The following SLC17A5 variants were observed in gnomAD, a reference collection of about 807,000 sequenced individuals.
SLC17A5 encodes the protein solute carrier family 17 member 5, also known as sialin.
Under a neutral mutation model 59.4 loss-of-function variants are expected in SLC17A5, and 47 were observed. The observed-to-expected ratio is 0.79, with a 90% CI of 0.63 to 1.01. The LOEUF is 1.01. Among genes scored for constraint, SLC17A5 ranks in the 50% least tolerant of loss-of-function variants. The pLI is 0.00. For missense variants in SLC17A5, 522 were observed against 595.5 expected (o/e 0.88, Z 1.28); for synonymous variants, 202 against 210.7 (o/e 0.96, Z 0.36).
intron 7 of SLC17A5, among the ~76,000 whole-genome samples, chr6:73,619,922 G>GTTT (rs1174723514): frequency 2.4e-4 from 29 of 119,108 alleles, no homozygotes; most frequent in Non-Finnish European, 3.3e-4. Context: ...TTGAGAATTT[G>GTTT]TTTTTTTTTT....
chr6:73,603,931 A>T (rs1767277630), intron 9 of SLC17A5, among the ~76,000 whole-genome samples: 1 of 151,508 alleles, frequency 6.6e-6, no homozygotes, highest in Admixed American at 6.6e-5. Context: ...ACAAAAAACA[A>T]AAAAAAAACA....
rs1346069317 is a variant in SLC17A5, at chr6:73,648,278, A to G, written c.95-3675T>C. On this transcript the variant is annotated intron_variant, in intron 1 of 10. Coordinates refer to ENST00000355773, the MANE Select transcript of SLC17A5 (RefSeq NM_012434.5). ...GAATATTCTTTGAAATTGATCCAAC[A>G]AAAGCATGCTTGCATGACCAAGAGA... Among the ~76,000 whole-genome samples the G allele has an allele frequency of 5.9e-5, 9 of 152,388 alleles. No homozygotes were observed. The East Asian group carries it at 1.5e-3, about 26-fold the overall frequency.
chr6:73,635,525 G>C (rs1447613597), intron 5 of SLC17A5, 25 bp from the exon 6 acceptor site: 1 of 1,133,968 alleles, frequency 8.8e-7, no homozygotes, highest in African/African-American at 1.6e-5. Flanking sequence ...ATAATAGTTA[G>C]ATAAAATTAG....
intron 6 of SLC17A5, among the ~76,000 whole-genome samples, chr6:73,631,118 T>C (rs1768687613): frequency 6.7e-6 from 1 of 150,032 alleles, no homozygotes; most frequent in Non-Finnish European, 1.5e-5. Context: ...GGTTCTAACA[T>C]CTAGGCCTGG....
intron 2 of SLC17A5, 137 bp from the exon 3 acceptor site, chr6:73,642,061 T>G (rs1212549500): frequency 2.7e-6 from 2 of 742,774 alleles, no homozygotes; most frequent in Non-Finnish European, 4.8e-6. Context: ...AACTTTCTAG[T>G]AGGTGGGTGA....
chr6:73,622,234 C>T (rs1768185605), intron 6 of SLC17A5, among the ~76,000 whole-genome samples: 1 of 151,828 alleles, frequency 6.6e-6, no homozygotes, highest in Non-Finnish European at 1.5e-5. Flanking sequence ...ATAATGTCAA[C>T]CCTAAACATT....
At position 73,638,451 on chromosome 6, in the gene SLC17A5, G is replaced by A. The variant is rs149233119; in HGVS notation, c.574C>T (p.Pro192Ser). 1 of 1,613,906 alleles carries A rather than the reference G, an allele frequency of 6.2e-7. No individual in the cohort carries two copies. The highest frequency in any genetic ancestry group is 8.5e-7 in the Non-Finnish European group (1 of 1,179,966). ...MHAMWSSWAP[P>S]LERSKLLSIS... ...CTAAGAAGTTTGCTTCTTTCAAGAG[G>A]GGGAGCCCAAGAAGACCACATGGCA... Residue 192 changes from proline to serine, a missense_variant, in exon 4 of 11, where the codon CCT becomes TCT. Transcript: ENST00000355773.
intron 6 of SLC17A5, among the ~76,000 whole-genome samples, chr6:73,630,360 A>G (rs1768642238): frequency 6.6e-6 from 1 of 152,156 alleles, no homozygotes; most frequent in African/African-American, 2.4e-5. Context: ...TGTAAAATCC[A>G]CTTATTGTAA....
chr6:73,600,628 A>C (rs1464506319), intron 9 of SLC17A5, among the ~76,000 whole-genome samples, 187 bp from the exon 10 acceptor site: 1 of 150,912 alleles, frequency 6.6e-6, no homozygotes, highest in African/African-American at 2.4e-5. Flanking sequence ...TAGCCTCCTG[A>C]GTAGCGGGGA....
intron 6 of SLC17A5, among the ~76,000 whole-genome samples, chr6:73,632,434 C>CTCTTT (rs1768783457): frequency 1.2e-5 from 1 of 86,766 alleles, no homozygotes; most frequent in African/African-American, 4.1e-5. Flanking sequence ...GTAGAGAAAG[C>CTCTTT]TTTTTTTTTT....
At position 73,621,794 on chromosome 6, in the gene SLC17A5, T is replaced by A. The variant is rs779943621; in HGVS notation, c.978+10A>T. 6.3e-7 allele frequency: 1 copy of A among 1,592,834 alleles called. No individual in the cohort carries two copies. The highest frequency in any genetic ancestry group is 2.2e-5 in the East Asian group (1 of 44,642). On this transcript the variant is annotated intron_variant, in intron 7 of 10. Coordinates refer to ENST00000355773, the MANE Select transcript of SLC17A5 (RefSeq NM_012434.5). ...ATATATATAAGAAGCAGATGATTATTTTTTCTTACCTCTTGAACATTGAAC... is the reference window on the plus strand; with the variant it reads ...ATATATATAAGAAGCAGATGATTATATTTTCTTACCTCTTGAACATTGAAC...
intron 7 of SLC17A5, chr6:73,618,575 C>A: frequency 1.9e-6 from 1 of 519,924 alleles, no homozygotes; most frequent in Non-Finnish European, 3.7e-6. Flanking sequence ...GAAGGATGTT[C>A]CTTCAGGAGG....
intron 6 of SLC17A5, among the ~76,000 whole-genome samples, chr6:73,625,503 TA>T (rs1768368776): frequency 6.6e-6 from 1 of 152,130 alleles, no homozygotes; most frequent in Non-Finnish European, 1.5e-5. Flanking sequence ...TTGTATTTTT[TA>T]ATATGATCAA....
intron 9 of SLC17A5, among the ~76,000 whole-genome samples, chr6:73,602,616 TA>T (rs2150079455): frequency 6.6e-6 from 1 of 151,870 alleles, no homozygotes; most frequent in South Asian, 2.1e-4. Flanking sequence ...CTACCAAAAA[TA>T]CAAAAAAATT....
intron 9 of SLC17A5, among the ~76,000 whole-genome samples, chr6:73,601,135 G>A (rs984741276): frequency 3.3e-5 from 5 of 151,312 alleles, no homozygotes; most frequent in Non-Finnish European, 5.9e-5. Flanking sequence ...TCTGGGAAGT[G>A]AGGAGCGTCT....
At chr6:73,601,842 C>T (rs1387679666) in intron 9 of SLC17A5, among the ~76,000 whole-genome samples, 5 of 150,080 alleles carry the variant, frequency 3.3e-5, no homozygotes, top group Non-Finnish European at 5.9e-5. Context: ...GCCCGGCCAG[C>T]CGCCCCGTCC....
rs765944142 is a variant in SLC17A5 at position 73,623,660 on chromosome 6, ATTTT to A, written c.820-1702_820-1699del. On this transcript the variant is annotated intron_variant, in intron 6 of 10. Transcript: ENST00000355773. Reference sequence around the variant, plus strand: ...AAGTGATTTATTTTAAGTGTCTTTTATTTTTATTTATTTATTTATTTATTTATTT... The same window carrying A: ...AAGTGATTTATTTTAAGTGTCTTTTATATTTATTTATTTATTTATTTATTT... Among the ~76,000 whole-genome samples the A allele has an allele frequency of 4.2e-4, 57 of 137,210 alleles. 1 individual carries two copies. The highest frequency in any genetic ancestry group is 1.4e-3 in the South Asian group (6 of 4,356). 90.0% of individuals were successfully genotyped at this position (137,210 alleles called of 152,430 possible). A position where few individuals can be genotyped will look rare whatever the true frequency, so the allele number is the denominator to read the frequency against.
At chr6:73,633,958 T>G (rs750607534) in intron 6 of SLC17A5, among the ~76,000 whole-genome samples, 1 of 152,142 alleles carries the variant, frequency 6.6e-6, no homozygotes, top group Non-Finnish European at 1.5e-5. Flanking sequence ...TTTATGTTCT[T>G]AAACTAATAA....
At chr6:73,596,221 A>C (rs1308485234) in intron 10 of SLC17A5, among the ~76,000 whole-genome samples, 2 of 152,150 alleles carry the variant, frequency 1.3e-5, no homozygotes, top group African/African-American at 4.8e-5. Context: ...AACACTAACT[A>C]ACACTAAGAA....
Sources: allele counts gnomAD v4.1 joint callset (sites outside exome capture counted in the v4.1 genomes callset), GRCh38; gene constraint gnomAD v4.1.1; transcripts MANE v1.5; gene names NCBI Gene and HGNC (gene_info 2026-07-23, HGNC 2026-07-21).